CFAP54: variants seen among roughly 807,000 people sequenced by gnomAD.
CFAP54 encodes the protein cilia- and flagella-associated protein 54.
CFAP54 carries 290 observed loss-of-function variants against 370.4 expected under a neutral mutation model. The ratio of observed to expected loss-of-function variants is 0.78; its 90% CI spans 0.71 to 0.86. CFAP54 has a LOEUF of 0.86. Among genes scored for constraint, CFAP54 ranks in the 40% least tolerant of loss-of-function variants. CFAP54 has a pLI of 0.00. For missense variants in CFAP54, 3,399 were observed against 3,528.7 expected (o/e 0.96, Z 0.93); for synonymous variants, 1,206 against 1,236.5 (o/e 0.98, Z 0.52).
At position 96,567,189 on chromosome 12, in the gene CFAP54, G is replaced by A. The variant is rs1454259685; in HGVS notation, c.2619+2424G>A. On this transcript the variant is annotated intron_variant, in intron 19 of 67. Transcript: ENST00000524981. The stretch of plus-strand genomic sequence containing the variant: ...AACAAATGTGCCAAGGTCCCAAGGC[G>A]AGAAATGTCATAGAGTGCTTGTAGT... 2.0e-5 allele frequency among the ~76,000 whole-genome samples: 3 copies of A among 152,198 alleles called. No homozygotes were observed. The East Asian group carries it at 5.8e-4, about 29-fold the overall frequency.
intron 63 of CFAP54, among the ~76,000 whole-genome samples, chr12:96,800,872 G>T (rs142631236): frequency 6.6e-6 from 1 of 152,198 alleles, no homozygotes; most frequent in African/African-American, 2.4e-5. Flanking sequence ...AAGAATATTA[G>T]TGGGCAAGGA....
chr12:96,572,940 T>C, intron 19 of CFAP54: 1 of 985,424 alleles, frequency 1.0e-6, no homozygotes, highest in Non-Finnish European at 1.2e-6. Flanking sequence ...ATGCAAGAAT[T>C]AAGTCAGAAG....
intron 20 of CFAP54, among the ~76,000 whole-genome samples, chr12:96,579,790 G>A (rs1956014601): frequency 6.6e-6 from 1 of 151,972 alleles, no homozygotes; most frequent in Non-Finnish European, 1.5e-5. Flanking sequence ...TCGGCGAAAG[G>A]ATCATTGTCT....
chr12:96,736,341 G>C (rs922501229), intron 50 of CFAP54, among the ~76,000 whole-genome samples: 3 of 152,172 alleles, frequency 2.0e-5, no homozygotes, highest in African/African-American at 7.2e-5. Flanking sequence ...GAGAGAGAGA[G>C]AGCACAAGAC....
intron 42 of CFAP54, among the ~76,000 whole-genome samples, chr12:96,688,007 C>T (rs1463807793): frequency 6.6e-6 from 1 of 152,146 alleles, no homozygotes; most frequent in Non-Finnish European, 1.5e-5. Context: ...TTCCTAGACT[C>T]CCTGAGTAGA....
intron 65 of CFAP54, among the ~76,000 whole-genome samples, chr12:96,825,464 T>A (rs1959085581): frequency 8.6e-6 from 1 of 115,992 alleles, no homozygotes; most frequent in African/African-American, 3.6e-5. Context: ...TATAATATAA[T>A]ATATTATATA....
rs2136437221 is a variant in CFAP54, at chr12:96,594,360, A to C, written c.3430A>C (p.Ser1144Arg). The change falls in exon 25 of 68, where the codon AGC becomes CGC. Residue 1144 changes from serine to arginine, a missense_variant. By Grantham distance (110) the Ser-to-Arg change is moderately radical. Around this residue, in one of 3 missense-constraint regions of CFAP54, gnomAD observed 2,796 missense variants for 2,869.7 expected, o/e 0.97. Transcript: ENST00000524981. ...LELSNFLNDS[S>R]YALQAVTQCY... The stretch of plus-strand genomic sequence containing the variant: ...ACTTAGCAACTTCCTAAATGATTCC[A>C]GCTATGCCCTTCAAGCTGTGACTCA... 1 of 1,534,588 alleles carries C rather than the reference A, an allele frequency of 6.5e-7. No individual in the cohort carries two copies. Among genetic ancestry groups the C allele is most frequent in the African/African-American group, 1.4e-5 (1 of 73,148 alleles).
chr12:96,631,620 C>T (rs1022851654), intron 32 of CFAP54, among the ~76,000 whole-genome samples: 5 of 149,830 alleles, frequency 3.3e-5, no homozygotes, highest in East Asian at 1.9e-4. Context: ...TAGTGTAATG[C>T]GTTACATTAT....
At chr12:96,508,364 C>T (rs1250575695) in intron 4 of CFAP54, among the ~76,000 whole-genome samples, 1 of 150,502 alleles carries the variant, frequency 6.6e-6, no homozygotes, top group Non-Finnish European at 1.5e-5. Flanking sequence ...CGGCTCACTG[C>T]AACCTCCACC....
In CFAP54 at chr12:96,806,207, TATATATAA is replaced by T. The variant is rs200695524; in HGVS notation, c.8851-5528_8851-5521del. On this transcript the variant is annotated intron_variant, in intron 63 of 67. Coordinates refer to ENST00000524981, the MANE Select transcript of CFAP54 (RefSeq NM_001306084.2). ...ATATATATATATATATATATATATA[TATATATAA>T]TAACAACATAAAAAGAAAGTTGGAA... Among the ~76,000 whole-genome samples the T allele has an allele frequency of 1.5e-3, 108 of 72,610 alleles. 1 individual carries two copies. The highest frequency in any genetic ancestry group is 6.2e-3 in the African/African-American group (104 of 16,796). The allele number at this position is 72,610 out of a possible 152,430, so 47.6% of individuals were successfully genotyped here.
At chr12:96,663,699 C>T (rs1219055768) in intron 38 of CFAP54, 131 bp from the exon 39 acceptor site, 3 of 626,348 alleles carry the variant, frequency 4.8e-6, no homozygotes, top group African/African-American at 3.7e-5. Context: ...ACTATTCTGC[C>T]AGCTTTTTTT....
chr12:96,663,777 A>G (rs1457652940), intron 38 of CFAP54, 53 bp from the exon 39 acceptor site: 8 of 1,343,688 alleles, frequency 6.0e-6, no homozygotes, highest in African/African-American at 1.5e-5. Context: ...AGTAAGCGAA[A>G]TTTTTAACTA....
At chr12:96,537,022 CTT>C (rs1955514609) in intron 12 of CFAP54, among the ~76,000 whole-genome samples, 1 of 141,638 alleles carries the variant, frequency 7.1e-6, no homozygotes, top group Non-Finnish European at 1.6e-5. Context: ...TCAATAAACA[CTT>C]ATTGATATCT....
intron 57 of CFAP54, among the ~76,000 whole-genome samples, chr12:96,757,023 C>T (rs955639892): frequency 6.6e-6 from 1 of 152,190 alleles, no homozygotes; most frequent in African/African-American, 2.4e-5. Context: ...CACTGATCCC[C>T]AGCTGACAGA....
chr12:96,713,450 G>A (rs1207638322), intron 48 of CFAP54, among the ~76,000 whole-genome samples: 1 of 151,744 alleles, frequency 6.6e-6, no homozygotes, highest in Non-Finnish European at 1.5e-5. Flanking sequence ...TCTCTATTTT[G>A]GACTACTGAT....
intron 66 of CFAP54, among the ~76,000 whole-genome samples, chr12:96,848,879 A>G (rs1959451563): frequency 1.3e-5 from 2 of 152,216 alleles, no homozygotes. Context: ...GCTGTGGAAA[A>G]GCCCTGTTAC....
At chr12:96,647,472 CAA>C (rs57089692) in intron 33 of CFAP54, among the ~76,000 whole-genome samples, 14 of 40,766 alleles carry the variant, frequency 3.4e-4, no homozygotes, top group South Asian at 1.7e-3. Flanking sequence ...GACTCTGTCC[CAA>C]AAAAAAAAAA....
intron 50 of CFAP54, among the ~76,000 whole-genome samples, chr12:96,729,739 G>A (rs1957895704): frequency 6.6e-6 from 1 of 152,192 alleles, no homozygotes; most frequent in Non-Finnish European, 1.5e-5. Flanking sequence ...GATGAACCCG[G>A]TACCTCAGAT....
chr12:96,691,887 A>T (rs1957392227), intron 44 of CFAP54, among the ~76,000 whole-genome samples: 1 of 152,170 alleles, frequency 6.6e-6, no homozygotes, highest in South Asian at 2.1e-4. Context: ...GCATTAAAAA[A>T]ATTAGTATGT....
Sources: gnomAD v4.1 joint callset for allele counts (sites outside exome capture counted in the v4.1 genomes callset) on GRCh38, gnomAD v4.1.1 for gene constraint, gnomAD v4.1.1 regional missense constraint, MANE v1.5 for transcripts, NCBI Gene and HGNC (gene_info 2026-07-23, HGNC 2026-07-21) for gene names.